Variants in PET100 observed in about 807,000 individuals in gnomAD.
The protein encoded by PET100 is protein PET100 homolog, mitochondrial.
Under a neutral mutation model 13.6 loss-of-function variants are expected in PET100, and 13 were observed. The ratio of observed to expected loss-of-function variants is 0.96; its 90% CI spans 0.62 to 1.52. The LOEUF is 1.52. Among genes scored for constraint, PET100 ranks in the 40% most tolerant of loss-of-function variants. The pLI is 0.00. For missense variants in PET100, 94 were observed against 95.3 expected, an observed-to-expected ratio of 0.99 and a Z score of 0.06; for synonymous variants, 28 against 30.8, an observed-to-expected ratio of 0.91 and a Z score of 0.30.
In PET100 at chr19:7,631,771, TG is replaced by T; in HGVS notation, c.*219del. The stretch of plus-strand genomic sequence containing the variant: ...CGGGTCCTGAGGGGTGAGCAGGGGT[TG>T]GGGACTGAGGGTCCCAGCTCGTTTC... On this transcript the variant is annotated 3_prime_UTR_variant, in exon 4 of 4. Coordinates refer to ENST00000594797, the MANE Select transcript of PET100 (RefSeq NM_001171155.2). 1 of 1,419,968 alleles carries T rather than the reference TG, an allele frequency of 7.0e-7. No individual in the cohort carries two copies. The highest frequency in any genetic ancestry group is 9.2e-7 in the Non-Finnish European group (1 of 1,082,818). 88.0% of individuals were successfully genotyped at this position (1,419,968 alleles called of 1,614,324 possible).
rs766630092 is a variant in PET100 at position 7,631,737 on chromosome 19, G to C, written c.*181G>C. The C allele has an allele frequency of 6.9e-7, 1 of 1,447,818 alleles. No homozygotes were observed. The highest frequency in any genetic ancestry group is 9.1e-7 in the Non-Finnish European group (1 of 1,098,232). The allele number at this position is 1,447,818 out of a possible 1,614,324, so 89.7% of individuals were successfully genotyped here. A position where few individuals can be genotyped will look rare whatever the true frequency, so the allele number is the denominator to read the frequency against. On this transcript the variant is annotated 3_prime_UTR_variant, in exon 4 of 4. Coordinates refer to ENST00000594797, the MANE Select transcript of PET100 (RefSeq NM_001171155.2). Reference sequence around the variant, plus strand: ...GGGGGCTGCTGTTCCGACGGAAGCCGAGAGCGGTCGGGTCCTGAGGGGTGA... The same window carrying C: ...GGGGGCTGCTGTTCCGACGGAAGCCCAGAGCGGTCGGGTCCTGAGGGGTGA...
intron 1 of PET100, chr19:7,630,064 G>C (rs2031240312): frequency 1.6e-6 from 1 of 606,866 alleles, no homozygotes; most frequent in South Asian, 2.3e-5. Flanking sequence ...TCTGGGTTTG[G>C]GGGCTGTGAG....
intron 3 of PET100, chr19:7,631,177 C>G (rs1297864356): frequency 8.0e-7 from 1 of 1,256,976 alleles, no homozygotes; most frequent in Non-Finnish European, 1.1e-6. Context: ...CCACTGCACT[C>G]CAGCCTGGGC....
chr19:7,631,406 G>C (rs1239971311), intron 3 of PET100, 67 bp from the exon 4 acceptor site: 2 of 925,050 alleles, frequency 2.2e-6, no homozygotes, highest in African/African-American at 1.7e-5. Flanking sequence ...GGGCGGGGGG[G>C]GGTGGTCCCG....
intron 1 of PET100, 200 bp downstream of exon 1, chr19:7,630,060 T>C (rs2031240147): frequency 5.7e-6 from 3 of 525,434 alleles, no homozygotes; most frequent in Non-Finnish European, 6.2e-6. Flanking sequence ...GGCTTCTGGG[T>C]TTGGGGGCTG....
intron 1 of PET100, chr19:7,630,140 C>T (rs538327756): frequency 8.3e-6 from 4 of 482,112 alleles, no homozygotes; most frequent in East Asian, 3.6e-5. Flanking sequence ...AGAAGGAAGA[C>T]TTAAGATCCT....
rs758705904 is a variant in PET100, at chr19:7,631,679, C to T, written c.*123C>T. 4.1e-6 allele frequency: 6 copies of T among 1,459,398 alleles called. No homozygotes were observed. In the African/African-American group the frequency reaches 7.2e-5, roughly 18 times the overall value. 90.4% of individuals were successfully genotyped at this position (1,459,398 alleles called of 1,614,324 possible). A position where few individuals can be genotyped will look rare whatever the true frequency, so the allele number is the denominator to read the frequency against. On this transcript the variant is annotated 3_prime_UTR_variant, in exon 4 of 4. Transcript: ENST00000594797. ...TGGGGGCCGAGTGAGACCCAGGATG[C>T]CTCAGGCCCTCAGGGGGCTTGTGTC...
Position 7,631,529 on chromosome 19 carries a change from C to T in PET100, c.195C>T (p.Leu65=). The change falls in exon 4 of 4, where the codon CTC becomes CTT. Residue 65 remains leucine (L), a synonymous_variant. Transcript: ENST00000594797. ...TACGGAAGCGGCGGGAGGAGAAGCTCCTTCGCGACGCCCAGCAGAACTCCT... is the reference window on the plus strand; with the variant it reads ...TACGGAAGCGGCGGGAGGAGAAGCTTCTTCGCGACGCCCAGCAGAACTCCT... The part of the protein sequence containing the change: ...ERLRKRREEK[L]LRDAQQNS 1.3e-6 allele frequency: 2 copies of T among 1,535,814 alleles called. No homozygotes were observed. The highest frequency in any genetic ancestry group is 1.8e-4 in the Middle Eastern group (1 of 5,554).
chr19:7,630,975 G>T (rs2031271366), intron 3 of PET100, 129 bp downstream of exon 3: 1 of 1,188,308 alleles, frequency 8.4e-7, no homozygotes, highest in Non-Finnish European at 1.2e-6. Flanking sequence ...ATGGGAGGCT[G>T]AGGTGGGTAG....
intron 1 of PET100, 37 bp from the exon 2 acceptor site, chr19:7,630,536 G>C: frequency 6.8e-7 from 1 of 1,465,254 alleles, no homozygotes; most frequent in South Asian, 1.2e-5. Flanking sequence ...CACATTGCTT[G>C]GGGGGAGCTC....
chr19:7,630,453 C>T, intron 1 of PET100, 120 bp from the exon 2 acceptor site: 1 of 771,464 alleles, frequency 1.3e-6, no homozygotes, highest in Non-Finnish European at 2.1e-6. Flanking sequence ...TTCTGGGATT[C>T]TTGGGTCGGC....
intron 3 of PET100, chr19:7,631,187 CA>C (rs1316012845): frequency 7.7e-7 from 1 of 1,291,292 alleles, no homozygotes; most frequent in Admixed American, 3.1e-5. Context: ...CCAGCCTGGG[CA>C]ATAGAGTGAG....
chr19:7,630,085 C>T (rs2031241131), intron 1 of PET100: 3 of 487,712 alleles, frequency 6.2e-6, no homozygotes, highest in South Asian at 3.5e-5. Context: ...AGGGCTGGTC[C>T]GAGGAAGGAC....
chr19:7,631,409 T>TGGGGGGGGGGGGGGGGGGGGGGGGGGG (rs1221264166), intron 3 of PET100, 64 bp from the exon 4 acceptor site: 8 of 639,584 alleles, frequency 1.3e-5, no homozygotes, highest in South Asian at 3.1e-5. Flanking sequence ...CGGGGGGGGG[T>TGGGGGGGGGGGGGGGGGGGGGGGGGGG]GGTCCCGGCT....
intron 3 of PET100, 33 bp from the exon 4 acceptor site, chr19:7,631,440 C>T (rs930557119): frequency 6.6e-7 from 1 of 1,521,474 alleles, no homozygotes; most frequent in Non-Finnish European, 8.8e-7. Context: ...TGCCCCTCCC[C>T]CCTTCCTGTC....
rs776152419 is a variant in PET100, at chr19:7,631,580, C to T, written c.*24C>T. 1 of 1,521,784 alleles carries T rather than the reference C, an allele frequency of 6.6e-7. No homozygotes were observed. Among genetic ancestry groups the T allele is most frequent in the Non-Finnish European group, 8.8e-7 (1 of 1,139,516 alleles). The allele number at this position is 1,521,784 out of a possible 1,614,324, so 94.3% of individuals were successfully genotyped here. On this transcript the variant is annotated 3_prime_UTR_variant, in exon 4 of 4. Coordinates refer to ENST00000594797, the MANE Select transcript of PET100 (RefSeq NM_001171155.2). ...GAGGCCTCCAAGTGGGAGTCCTAGCCCCTCCCCTGATGAAATATACATATA... is the reference window on the plus strand; with the variant it reads ...GAGGCCTCCAAGTGGGAGTCCTAGCTCCTCCCCTGATGAAATATACATATA...
At position 7,631,574 on chromosome 19, in the gene PET100, C is replaced by T. The variant is rs1448432472; in HGVS notation, c.*18C>T. ...ACTCCTGAGGCCTCCAAGTGGGAGT[C>T]CTAGCCCCTCCCCTGATGAAATATA... On this transcript the variant is annotated 3_prime_UTR_variant, in exon 4 of 4. Transcript: ENST00000594797. The T allele has an allele frequency of 1.3e-6, 2 of 1,527,854 alleles. No individual in the cohort carries two copies. The highest frequency in any genetic ancestry group is 2.7e-5 in the African/African-American group (2 of 72,778). The allele number at this position is 1,527,854 out of a possible 1,614,324, so 94.6% of individuals were successfully genotyped here. A position where few individuals can be genotyped will look rare whatever the true frequency, so the allele number is the denominator to read the frequency against.
chr19:7,629,898 G>A, intron 1 of PET100, 38 bp downstream of exon 1: 1 of 1,507,304 alleles, frequency 6.6e-7, no homozygotes, highest in South Asian at 1.2e-5. Context: ...GGCTGGGCAG[G>A]GGATCTTCCT....
In PET100 at chr19:7,631,759, G is replaced by T. The variant is rs778766420; in HGVS notation, c.*203G>T. The T allele has an allele frequency of 7.0e-7, 1 of 1,429,952 alleles. No homozygotes were observed. The highest frequency in any genetic ancestry group is 9.2e-7 in the Non-Finnish European group (1 of 1,088,392). 88.6% of individuals were successfully genotyped at this position (1,429,952 alleles called of 1,614,324 possible). On this transcript the variant is annotated 3_prime_UTR_variant, in exon 4 of 4. Transcript: ENST00000594797. ...GCCGAGAGCGGTCGGGTCCTGAGGGGTGAGCAGGGGTTGGGGACTGAGGGT... is the reference window on the plus strand; with the variant it reads ...GCCGAGAGCGGTCGGGTCCTGAGGGTTGAGCAGGGGTTGGGGACTGAGGGT...
Sources: allele counts gnomAD v4.1 joint callset, GRCh38; gene constraint gnomAD v4.1.1; transcripts MANE v1.5; gene names NCBI Gene and HGNC (gene_info 2026-07-23, HGNC 2026-07-21).